The following PTPRQ variants were observed in gnomAD, a reference collection of about 807,000 sequenced individuals.
PTPRQ encodes the protein protein tyrosine phosphatase receptor type Q.
In PTPRQ, 199 loss-of-function variants were observed where a neutral mutation model predicts 246.0. The observed-to-expected ratio is 0.81, with a 90% CI of 0.72 to 0.91. The LOEUF (loss-of-function observed/expected upper bound fraction) is 0.91, where lower values mean the gene tolerates loss of function less well. Among genes scored for constraint, PTPRQ ranks in the 40% least tolerant of loss-of-function variants. The pLI is 0.00. For synonymous variants in PTPRQ, 869 were observed against 853.2 expected (o/e 1.02, Z -0.32); for missense variants, 2,624 against 2,528.4 (o/e 1.04, Z -0.81).
chr12:80,585,128 T>A (rs1897568772), intron 25 of PTPRQ, among the ~76,000 whole-genome samples: 1 of 152,060 alleles, frequency 6.6e-6, no homozygotes, highest in South Asian at 2.1e-4. Flanking sequence ...GATTTCTCCT[T>A]CTGGGTGTCT....
At chr12:80,655,185 C>A (rs1357286814) in intron 38 of PTPRQ, among the ~76,000 whole-genome samples, 1 of 152,032 alleles carries the variant, frequency 6.6e-6, no homozygotes, top group East Asian at 1.9e-4. Context: ...CCCCAATTTT[C>A]CATATCTGAA....
At chr12:80,638,586 C>T (rs532249203) in intron 35 of PTPRQ, among the ~76,000 whole-genome samples, 2 of 152,212 alleles carry the variant, frequency 1.3e-5, no homozygotes, top group East Asian at 3.9e-4. Flanking sequence ...ATACTCTCTG[C>T]CTGTATATTT....
intron 3 of PTPRQ, among the ~76,000 whole-genome samples, chr12:80,450,784 AT>A (rs1351523537): frequency 6.6e-6 from 1 of 152,098 alleles, no homozygotes; most frequent in Non-Finnish European, 1.5e-5. Context: ...ATTTGCCAGT[AT>A]TTTACTGAGG....
chr12:80,546,021 A>T (rs1341241320), intron 23 of PTPRQ, among the ~76,000 whole-genome samples: 1 of 152,082 alleles, frequency 6.6e-6, no homozygotes, highest in Non-Finnish European at 1.5e-5. Flanking sequence ...CTAGTTTTTT[A>T]AAAAGGCAAT....
chr12:80,642,639 G>A (rs1304635199), intron 35 of PTPRQ, among the ~76,000 whole-genome samples: 3 of 152,096 alleles, frequency 2.0e-5, no homozygotes, highest in African/African-American at 7.2e-5. Flanking sequence ...AACAATTGAG[G>A]GCCGGGCGCG....
intron 8 of PTPRQ, among the ~76,000 whole-genome samples, chr12:80,476,071 C>T (rs573087018): frequency 8.1e-4 from 121 of 149,008 alleles, no homozygotes; most frequent in African/African-American, 2.9e-3. Flanking sequence ...AGTTGAGATT[C>T]TACATCAGTT....
At chr12:80,474,402 A>G (rs1893747864) in intron 8 of PTPRQ, among the ~76,000 whole-genome samples, 1 of 152,198 alleles carries the variant, frequency 6.6e-6, no homozygotes, top group South Asian at 2.1e-4. Context: ...CCAGATACTC[A>G]TAGAAAAATG....
chr12:80,673,323 C>T lies in PTPRQ; in HGVS notation c.6738+19C>T, dbSNP rs1360889726. On this transcript the variant is annotated intron_variant, in intron 43 of 44. Coordinates refer to ENST00000644991, the MANE Select transcript of PTPRQ (RefSeq NM_001145026.2). ...GAATCTGGTAAGATCTCTAAACCTG[C>T]ACTGCATTCTAAAGTTCTAGAATTT... 1.3e-6 allele frequency: 2 copies of T among 1,538,544 alleles called. No individual in the cohort carries two copies. Among genetic ancestry groups the T allele is most frequent in the African/African-American group, 1.4e-5 (1 of 72,166 alleles).
rs780134883 is a variant in PTPRQ, at chr12:80,679,285, A to G, written c.*262A>G. 6.6e-6 allele frequency: 2 copies of G among 303,940 alleles called. No individual in the cohort carries two copies. Among genetic ancestry groups the G allele is most frequent in the Non-Finnish European group, 1.2e-5 (2 of 168,668 alleles). The allele number at this position is 303,940 out of a possible 1,614,324, so 18.8% of individuals were successfully genotyped here. A position where few individuals can be genotyped will look rare whatever the true frequency, so the allele number is the denominator to read the frequency against. On this transcript the variant is annotated 3_prime_UTR_variant, in exon 45 of 45. Coordinates refer to ENST00000644991, the MANE Select transcript of PTPRQ (RefSeq NM_001145026.2). ...ATCCCATATGTTTTTGAAGTCCTCC[A>G]TATTTTGGAATAAGCCAAATAGAAA...
chr12:80,585,336 C>G (rs758566241), intron 25 of PTPRQ, among the ~76,000 whole-genome samples: 1 of 152,164 alleles, frequency 6.6e-6, no homozygotes. Context: ...ACCCTGCCAG[C>G]TCTCCTTCAC....
chr12:80,671,332 A>C (rs1900963347), intron 42 of PTPRQ, among the ~76,000 whole-genome samples: 1 of 152,124 alleles, frequency 6.6e-6, no homozygotes, highest in Non-Finnish European at 1.5e-5. Flanking sequence ...AGTATATACT[A>C]AAAACAGTAT....
chr12:80,588,099 C>A, intron 25 of PTPRQ, 30 bp from the exon 26 acceptor site: 1 of 1,486,244 alleles, frequency 6.7e-7, no homozygotes, highest in Non-Finnish European at 8.9e-7. Context: ...GTAATTGTAA[C>A]TGCTTTTAAT....
At chr12:80,467,895 A>G (rs556406511) in intron 6 of PTPRQ, among the ~76,000 whole-genome samples, 15 of 152,184 alleles carry the variant, frequency 9.9e-5, no homozygotes, top group Non-Finnish European at 2.2e-4. Context: ...TTTAGGAGTT[A>G]TACCTAATGC....
intron 29 of PTPRQ, among the ~76,000 whole-genome samples, 173 bp from the exon 30 acceptor site, chr12:80,616,027 T>G (rs1166507407): frequency 1.3e-5 from 2 of 150,264 alleles, no homozygotes; most frequent in South Asian, 4.2e-4. Context: ...ATAGACTATA[T>G]GCAGTTGTTT....
At chr12:80,640,854 T>C (rs570391113) in intron 35 of PTPRQ, among the ~76,000 whole-genome samples, 2 of 152,342 alleles carry the variant, frequency 1.3e-5, no homozygotes, top group Admixed American at 1.3e-4. Flanking sequence ...ATAATGTGCA[T>C]GTCCTGAGAA....
In PTPRQ at chr12:80,616,227, G is replaced by C; in HGVS notation, c.5191G>C (p.Gly1731Arg). ...TTACGCAGTCAATAGTGCTGGTGCA[G>C]GTCCAAAGGTTCCGATGAGAATAAC... The part of the protein sequence containing the change: ...SVYAVNSAGA[G>R]PKVPMRITMD... Residue 1731 changes from glycine (G) to arginine (R), a missense_variant, in exon 30 of 45, where the codon GGT becomes CGT. Physicochemically the swap from Gly to Arg is moderately radical, Grantham distance 125. Transcript: ENST00000644991. The C allele has an allele frequency of 6.7e-7, 1 of 1,492,032 alleles. No homozygotes were observed. The allele number at this position is 1,492,032 out of a possible 1,614,324, so 92.4% of individuals were successfully genotyped here.
At chr12:80,448,089 T>C (rs1892608503) in intron 3 of PTPRQ, among the ~76,000 whole-genome samples, 1 of 152,102 alleles carries the variant, frequency 6.6e-6, no homozygotes, top group African/African-American at 2.4e-5. Flanking sequence ...TAGTTCTCCT[T>C]GTAAAGATTT....
intron 39 of PTPRQ, among the ~76,000 whole-genome samples, chr12:80,658,780 T>A (rs1164399802): frequency 6.6e-6 from 1 of 152,052 alleles, no homozygotes; most frequent in Non-Finnish European, 1.5e-5. Flanking sequence ...ACCATCTTCA[T>A]TATGGTGAAT....
chr12:80,521,499 T>TTTAATCCATTTGATTAAATCCAAA (rs1895485137), intron 17 of PTPRQ, among the ~76,000 whole-genome samples: 2 of 152,246 alleles, frequency 1.3e-5, no homozygotes, highest in South Asian at 4.1e-4. Context: ...GTTTTAGGTC[T>TTTAATCCATTTGATTAAATCCAAA]GACATTTAAG....
Sources: gnomAD v4.1 joint callset for allele counts (sites outside exome capture counted in the v4.1 genomes callset) on GRCh38, gnomAD v4.1.1 for gene constraint, MANE v1.5 for transcripts, NCBI Gene and HGNC (gene_info 2026-07-23, HGNC 2026-07-21) for gene names.